The following TTBK2 variants were observed in gnomAD, a reference collection of about 807,000 sequenced individuals.
The protein encoded by TTBK2 is tau-tubulin kinase 2.
In TTBK2, 28 loss-of-function variants were observed where a neutral mutation model predicts 110.8. The ratio of observed to expected loss-of-function variants is 0.25; its 90% CI spans 0.19 to 0.35. TTBK2 has a LOEUF of 0.35. TTBK2 is among the 10% of genes least tolerant of loss of function. TTBK2 has a pLI of 1.00. For missense variants in TTBK2, 1,369 were observed against 1,500.3 expected (o/e 0.91, Z 1.45); for synonymous variants, 532 against 527.3 (o/e 1.01, Z -0.12).
intron 3 of TTBK2, 115 bp downstream of exon 3, chr15:42,872,496 C>A: frequency 8.0e-7 from 1 of 1,245,440 alleles, no homozygotes; most frequent in Non-Finnish European, 1.1e-6. Flanking sequence ...TTATACCCGG[C>A]TGACACCAGT....
chr15:42,897,354 G>A (rs1460204425), intron 1 of TTBK2, among the ~76,000 whole-genome samples: 1 of 151,928 alleles, frequency 6.6e-6, no homozygotes, highest in African/African-American at 2.4e-5. Context: ...CTTGATTTAT[G>A]GTATATATTT....
intron 13 of TTBK2, among the ~76,000 whole-genome samples, chr15:42,769,940 A>G (rs576784666): frequency 7.2e-5 from 11 of 152,284 alleles, no homozygotes; most frequent in African/African-American, 2.4e-4. Context: ...GGATGAGTTC[A>G]TGTCCTTTGC....
rs554281833 is a variant in TTBK2, at chr15:42,829,808, T to C, written c.432+130A>G. The C allele has an allele frequency of 9.4e-5, 123 of 1,310,148 alleles. 1 individual carries two copies. The African/African-American group carries it at 1.5e-3, about 16-fold the overall frequency. 81.2% of individuals were successfully genotyped at this position (1,310,148 alleles called of 1,614,324 possible). On this transcript the variant is annotated intron_variant, in intron 5 of 14. Coordinates refer to ENST00000267890, the MANE Select transcript of TTBK2 (RefSeq NM_173500.4). The stretch of plus-strand genomic sequence containing the variant: ...TTATATTTTTGCTTCCAGGTCTCTA[T>C]TGGAATGAAAATATTACCTTGTATT...
At chr15:42,865,019 A>G (rs1894310461) in intron 3 of TTBK2, among the ~76,000 whole-genome samples, 1 of 152,176 alleles carries the variant, frequency 6.6e-6, no homozygotes. Context: ...TTTTATTACG[A>G]GAAAATATCT....
chr15:42,860,724 T>G (rs562721088), intron 3 of TTBK2, among the ~76,000 whole-genome samples: 1 of 146,650 alleles, frequency 6.8e-6, no homozygotes, highest in African/African-American at 2.6e-5. Flanking sequence ...TGGAGTGTAA[T>G]GGCGGATCTC....
intron 3 of TTBK2, among the ~76,000 whole-genome samples, chr15:42,847,068 GT>G (rs1314906660): frequency 6.6e-5 from 10 of 152,204 alleles, no homozygotes; most frequent in Non-Finnish European, 1.3e-4. Context: ...ATCCTAGCAC[GT>G]TAATCAAACC....
chr15:42,868,270 C>T (rs760815180), intron 3 of TTBK2, among the ~76,000 whole-genome samples: 5 of 152,130 alleles, frequency 3.3e-5, no homozygotes, highest in African/African-American at 7.2e-5. Context: ...CCTATATACA[C>T]ATAATGGTGG....
chr15:42,755,011 GAAA>G (rs71431863), intron 13 of TTBK2, among the ~76,000 whole-genome samples: 8 of 69,848 alleles, frequency 1.1e-4, no homozygotes, highest in Non-Finnish European at 1.3e-4. Context: ...TCCATCTCAG[GAAA>G]AAAAAAAAAA....
At chr15:42,820,700 CA>C (rs376951443) in intron 6 of TTBK2, among the ~76,000 whole-genome samples, 3,192 of 140,512 alleles carry the variant, frequency 0.023, 102 homozygotes, top group African/African-American at 0.075. Flanking sequence ...TCTGAAGCTG[CA>C]AAAAAAAAAA....
Position 42,751,553 on chromosome 15 carries a change from A to C in TTBK2, c.3272+421T>G, listed in dbSNP as rs1036517682. On this transcript the variant is annotated intron_variant, in intron 14 of 14. Coordinates refer to ENST00000267890, the MANE Select transcript of TTBK2 (RefSeq NM_173500.4). ...GGAGTTTGAGACCAGCCTGCCCAAC[A>C]TAGCGAAACCCTGTCTCTAGTTTAA... Among the ~76,000 whole-genome samples, 3 of 152,320 alleles carry C rather than the reference A, an allele frequency of 2.0e-5. No individual in the cohort carries two copies. The East Asian group carries it at 5.8e-4, about 29-fold the overall frequency.
chr15:42,917,958 G>C (rs978966530), intron 1 of TTBK2, among the ~76,000 whole-genome samples: 1 of 151,876 alleles, frequency 6.6e-6, no homozygotes, highest in Non-Finnish European at 1.5e-5. Flanking sequence ...AAAGAAGTAA[G>C]CTATAGCTAT....
rs956468281 is a variant in TTBK2 at position 42,830,043 on chromosome 15, G to C, written c.327C>G (p.Ser109=). The C allele has an allele frequency of 3.7e-6, 6 of 1,613,888 alleles. No homozygotes were observed. In the Admixed American group the frequency reaches 6.7e-5, roughly 18 times the overall value. The change falls in exon 5 of 15, where the codon TCC becomes TCG. Residue 109 remains serine (S), a synonymous_variant. Coordinates refer to ENST00000267890, the MANE Select transcript of TTBK2 (RefSeq NM_173500.4). ...RNLADLRRSQ[S]RGTFTISTTL... is the part of the protein sequence containing the mutation. ...TGGTACTAATGGTGAATGTGCCTCG[G>C]GACTGGCTACGGCGAAGATCTGCCA...
intron 13 of TTBK2, among the ~76,000 whole-genome samples, chr15:42,766,650 A>C (rs1889394755): frequency 6.6e-6 from 1 of 152,038 alleles, no homozygotes; most frequent in African/African-American, 2.4e-5. Context: ...TTAGAGACCT[A>C]CAAAGAGACT....
chr15:42,781,436 GCTT>G (rs1890174127), intron 11 of TTBK2, among the ~76,000 whole-genome samples: 1 of 151,996 alleles, frequency 6.6e-6, no homozygotes, highest in African/African-American at 2.4e-5. Context: ...TTATTCTGCT[GCTT>G]CTTTTTCTAC....
chr15:42,791,094 A>G (rs141068068), intron 10 of TTBK2, among the ~76,000 whole-genome samples: 3,184 of 152,068 alleles, frequency 0.021, 50 homozygotes, highest in African/African-American at 0.042. Flanking sequence ...TCACTGTGTT[A>G]GCCAGGATGG....
At chr15:42,876,701 T>G (rs905211642) in intron 2 of TTBK2, among the ~76,000 whole-genome samples, 10 of 152,148 alleles carry the variant, frequency 6.6e-5, no homozygotes, top group Non-Finnish European at 1.5e-4. Flanking sequence ...AAAACTTTGG[T>G]GGACTGTGTA....
At chr15:42,803,232 GCTAC>G (rs1201298847) in intron 9 of TTBK2, among the ~76,000 whole-genome samples, 1 of 152,018 alleles carries the variant, frequency 6.6e-6, no homozygotes, top group Non-Finnish European at 1.5e-5. Context: ...TTGCTACTAG[GCTAC>G]CTATCTGTGT....
rs1045754381 is a variant in TTBK2, at chr15:42,774,458, A to G, written c.1998+677T>C. Among the ~76,000 whole-genome samples, 5 of 152,266 alleles carry G rather than the reference A, an allele frequency of 3.3e-5. No homozygotes were observed. The South Asian group carries it at 1.0e-3, about 32-fold the overall frequency. ...ACAGGATAACAGGCTTCTCCAGCTG[A>G]ATGCCCAAAACTGAAAATAAACAAT... On this transcript the variant is annotated intron_variant, in intron 13 of 14. Coordinates refer to ENST00000267890, the MANE Select transcript of TTBK2 (RefSeq NM_173500.4).
In TTBK2 at chr15:42,875,884, C is replaced by T. The variant is rs536514977; in HGVS notation, c.69+2665G>A. On this transcript the variant is annotated intron_variant, in intron 2 of 14. Coordinates refer to ENST00000267890, the MANE Select transcript of TTBK2 (RefSeq NM_173500.4). ...TCACGCCTCTGCACTCCAGCCTGGG[C>T]GACAGAGCAAGACTCCGTCTCAAAA... 6.6e-4 allele frequency among the ~76,000 whole-genome samples: 83 copies of T among 126,114 alleles called. No homozygotes were observed. In the South Asian group the frequency reaches 8.5e-3, roughly 13 times the overall value. The allele number at this position is 126,114 out of a possible 152,430, so 82.7% of individuals were successfully genotyped here.
Sources: gnomAD v4.1 joint callset for allele counts (sites outside exome capture counted in the v4.1 genomes callset) on GRCh38, gnomAD v4.1.1 for gene constraint, MANE v1.5 for transcripts, NCBI Gene and HGNC (gene_info 2026-07-23, HGNC 2026-07-21) for gene names.